EYS: variants seen among roughly 807,000 people sequenced by gnomAD.
EYS encodes EGF-like photoreceptor maintenance factor.
A neutral mutation model predicts 282.1 loss-of-function variants in EYS; 250 were observed. That is an observed-to-expected ratio of 0.89 (90% confidence interval 0.80 to 0.98). EYS has a LOEUF of 0.98. Ranked by LOEUF, EYS falls within the 50% of genes least tolerant of loss-of-function variation. The pLI, the probability that EYS is intolerant of heterozygous loss-of-function variation, is 0.00. For synonymous variants in EYS, 1,355 were observed against 1,282.9 expected (o/e 1.06, Z -1.20); for missense variants, 4,016 against 3,709.0 (o/e 1.08, Z -2.15).
Position 64,821,697 on chromosome 6 carries a change from G to A in EYS, c.3191C>T (p.Pro1064Leu). 1 of 1,521,654 alleles carries A rather than the reference G, an allele frequency of 6.6e-7. No individual in the cohort carries two copies. Among genetic ancestry groups the A allele is most frequent in the South Asian group, 1.2e-5 (1 of 81,746 alleles). The allele number at this position is 1,521,654 out of a possible 1,614,324, so 94.3% of individuals were successfully genotyped here. Residue 1064 changes from proline to leucine, a missense_variant, in exon 21 of 43, where the codon CCA (proline) becomes CTA (leucine). Physicochemically the swap from Pro to Leu is moderately conservative, Grantham distance 98. Coordinates refer to ENST00000503581, the MANE Select transcript of EYS (RefSeq NM_001142800.2). The stretch of plus-strand genomic sequence containing the variant: ...AGTCCCATCTGCATCACATGAACAT[G>A]GATATTCATTAATAAGTTCTGTGCA... ...GRCTELINEY[P>L]CSCDADGTST...
At chr6:64,605,551 C>T (rs1766901819) in intron 24 of EYS, among the ~76,000 whole-genome samples, 1 of 151,594 alleles carries the variant, frequency 6.6e-6, no homozygotes, top group South Asian at 2.1e-4. Context: ...CTCTGTGGTC[C>T]TACTGTCAAT....
intron 8 of EYS, among the ~76,000 whole-genome samples, chr6:65,354,484 A>C (rs1193271087): frequency 2.0e-5 from 3 of 152,046 alleles, no homozygotes; most frequent in African/African-American, 7.2e-5. Flanking sequence ...CTAATTGCAC[A>C]ACAACCTTAA....
Position 65,354,381 on chromosome 6 carries a change from A to G in EYS, c.1300-764T>C, listed in dbSNP as rs1040826757. Among the ~76,000 whole-genome samples the G allele has an allele frequency of 2.6e-5, 4 of 152,224 alleles. No individual in the cohort carries two copies. In the South Asian group the frequency reaches 8.3e-4, roughly 32 times the overall value. On this transcript the variant is annotated intron_variant, in intron 8 of 42. Transcript: ENST00000503581. ...ACAGCTGAGACATGCAGTACAAGGA[A>G]TCTGACAGTTCCATTAATGAAATTA...
At chr6:64,786,515 CG>C (rs1774026398) in intron 22 of EYS, among the ~76,000 whole-genome samples, 1 of 152,000 alleles carries the variant, frequency 6.6e-6, no homozygotes, top group Non-Finnish European at 1.5e-5. Flanking sequence ...TGGGGATATG[CG>C]GGGGCAGTCA....
intron 22 of EYS, among the ~76,000 whole-genome samples, chr6:64,660,871 G>T (rs1768986555): frequency 6.6e-6 from 1 of 152,136 alleles, no homozygotes; most frequent in Non-Finnish European, 1.5e-5. Flanking sequence ...TTTCTTCACA[G>T]AATTGGAAAA....
chr6:64,237,878 T>C (rs1454701141), intron 30 of EYS, among the ~76,000 whole-genome samples: 1 of 152,162 alleles, frequency 6.6e-6, no homozygotes, highest in Non-Finnish European at 1.5e-5. Context: ...AAATTACTGT[T>C]AGTACATGAA....
chr6:65,183,745 C>A (rs564433150), intron 12 of EYS, among the ~76,000 whole-genome samples: 96 of 151,452 alleles, frequency 6.3e-4, no homozygotes, highest in African/African-American at 2.2e-3. Flanking sequence ...ACAAATGTGT[C>A]ATATAGATGG....
chr6:64,714,999 A>T (rs932368839), intron 22 of EYS, among the ~76,000 whole-genome samples: 2 of 151,328 alleles, frequency 1.3e-5, no homozygotes, highest in Admixed American at 1.3e-4. Context: ...ACCAAAGCAA[A>T]TTGTATTAAT....
intron 26 of EYS, among the ~76,000 whole-genome samples, chr6:64,586,323 C>T (rs1766232387): frequency 6.6e-6 from 1 of 151,890 alleles, no homozygotes; most frequent in Admixed American, 6.6e-5. Flanking sequence ...AAATAAATAC[C>T]CATTCTGTGG....
At chr6:64,359,766 C>T in intron 29 of EYS, among the ~76,000 whole-genome samples, 1 of 151,596 alleles carries the variant, frequency 6.6e-6, no homozygotes, top group East Asian at 1.9e-4. Flanking sequence ...GGGCAACAAC[C>T]CTATTGGATT....
intron 5 of EYS, among the ~76,000 whole-genome samples, chr6:65,411,142 A>G (rs1766997877): frequency 6.6e-6 from 1 of 152,052 alleles, no homozygotes; most frequent in South Asian, 2.1e-4. Context: ...GAAGACTCAA[A>G]TACCATTTGA....
At chr6:64,964,162 T>C (rs1770019615) in intron 14 of EYS, among the ~76,000 whole-genome samples, 1 of 151,978 alleles carries the variant, frequency 6.6e-6, no homozygotes, top group Admixed American at 6.6e-5. Context: ...ATCATTTGGG[T>C]TTAAGATAAA....
chr6:65,678,284 C>T (rs1768696052), intron 1 of EYS, among the ~76,000 whole-genome samples: 1 of 151,996 alleles, frequency 6.6e-6, no homozygotes, highest in African/African-American at 2.4e-5. Context: ...CTATCTCCAA[C>T]ACTGGGGATT....
intron 31 of EYS, among the ~76,000 whole-genome samples, chr6:64,095,855 G>T (rs1337592145): frequency 6.6e-6 from 1 of 152,136 alleles, no homozygotes; most frequent in Non-Finnish European, 1.5e-5. Context: ...AGCCTCGATG[G>T]TCTTTACAAT....
At position 64,886,895 on chromosome 6, in the gene EYS, A is replaced by C; in HGVS notation, c.2847-53T>G. 9.0e-6 allele frequency: 9 copies of C among 998,906 alleles called. No individual in the cohort carries two copies. The South Asian group carries it at 1.3e-4, about 14-fold the overall frequency. 61.9% of individuals were successfully genotyped at this position (998,906 alleles called of 1,614,324 possible). Reference sequence around the variant, plus strand: ...AGCCATGTAACAATGATAATCATTTATTATATATGATTCATATTTATATTT... The same window carrying C: ...AGCCATGTAACAATGATAATCATTTCTTATATATGATTCATATTTATATTT... On this transcript the variant is annotated intron_variant, in intron 18 of 42. Coordinates refer to ENST00000503581, the MANE Select transcript of EYS (RefSeq NM_001142800.2).
intron 28 of EYS, among the ~76,000 whole-genome samples, chr6:64,418,596 G>A (rs1478754241): frequency 6.6e-6 from 1 of 152,170 alleles, no homozygotes; most frequent in African/African-American, 2.4e-5. Context: ...CAGGGAGAGA[G>A]AAGGAAACTC....
intron 12 of EYS, among the ~76,000 whole-genome samples, chr6:65,183,417 A>G (rs1765440111): frequency 6.6e-6 from 1 of 151,898 alleles, no homozygotes; most frequent in Non-Finnish European, 1.5e-5. Flanking sequence ...AATTCCAAAT[A>G]CAATTTCGGA....
intron 35 of EYS, among the ~76,000 whole-genome samples, chr6:63,887,372 G>A (rs561572922): frequency 5.3e-4 from 71 of 135,082 alleles, no homozygotes; most frequent in African/African-American, 1.5e-3. Context: ...AGGCAAGATA[G>A]CCAAATAGGA....
At chr6:64,704,793 C>A (rs1331914154) in intron 22 of EYS, among the ~76,000 whole-genome samples, 1 of 151,904 alleles carries the variant, frequency 6.6e-6, no homozygotes, top group Non-Finnish European at 1.5e-5. Flanking sequence ...GTCTTACGAC[C>A]ATCAAATATT....
Sources: gnomAD v4.1 joint callset for allele counts (sites outside exome capture counted in the v4.1 genomes callset) on GRCh38, gnomAD v4.1.1 for gene constraint, MANE v1.5 for transcripts, NCBI Gene and HGNC (gene_info 2026-07-23, HGNC 2026-07-21) for gene names.